The following CHODL variants were observed in gnomAD, a reference collection of about 807,000 sequenced individuals.
CHODL encodes transmembrane protein MT75.
In CHODL, 29 loss-of-function variants were observed where a neutral mutation model predicts 34.5. The ratio of observed to expected loss-of-function variants is 0.84; its 90% confidence interval spans 0.63 to 1.15. The LOEUF is 1.15. CHODL is among the 50% of genes most tolerant of loss of function. The probability of loss-of-function intolerance (pLI) is 0.00; values close to 1 mark genes in which losing one functional copy is unlikely to be tolerated. For synonymous variants in CHODL, 125 were observed against 116.1 expected, an observed-to-expected ratio of 1.08 and a Z score of -0.49; for missense variants, 332 against 332.5, an observed-to-expected ratio of 1.00 and a Z score of 0.01.
intron 1 of CHODL, among the ~76,000 whole-genome samples, chr21:17,984,793 T>A (rs868493172): frequency 4.6e-5 from 7 of 152,118 alleles, no homozygotes; most frequent in Non-Finnish European, 5.9e-5. Flanking sequence ...TGGCCTAAGA[T>A]TGGAGGTTTG....
intron 1 of CHODL, among the ~76,000 whole-genome samples, chr21:17,938,904 T>C (rs1207045387): frequency 6.6e-6 from 1 of 152,180 alleles, no homozygotes; most frequent in African/African-American, 2.4e-5. Flanking sequence ...TTCTATCCTG[T>C]CTAATCTTGT....
rs1198302633 is a variant in CHODL, at chr21:18,257,102, C to T, written c.522C>T (p.His174=). ...QWNDDRCNMK[H]NYICKYEPEI... ...ATGATGACAGGTGTAACATGAAGCACAATTATATTTGCAAGTATGAACCAG... is the reference window on the plus strand; with the variant it reads ...ATGATGACAGGTGTAACATGAAGCATAATTATATTTGCAAGTATGAACCAG... The change falls in exon 3 of 6, where the codon CAC becomes CAT. Residue 174 remains histidine (H), a synonymous_variant. Coordinates refer to ENST00000299295, the MANE Select transcript of CHODL (RefSeq NM_024944.3). 2.5e-6 allele frequency: 4 copies of T among 1,612,382 alleles called. No homozygotes were observed. The African/African-American group carries it at 4.0e-5, about 16-fold the overall frequency.
chr21:17,985,287 C>T (rs558167443), intron 1 of CHODL, among the ~76,000 whole-genome samples: 1 of 152,216 alleles, frequency 6.6e-6, no homozygotes, highest in East Asian at 1.9e-4. Context: ...ATCAGACTTT[C>T]TTCATTGTAT....
rs2064021370 is a variant in CHODL, at chr21:18,011,705, T to C, written c.-144-16167T>C. 1.3e-5 allele frequency among the ~76,000 whole-genome samples: 2 copies of C among 152,214 alleles called. 1 individual carries two copies. The highest frequency in any genetic ancestry group is 4.1e-4 in the South Asian group (2 of 4,832). On this transcript the variant is annotated intron_variant, in intron 1 of 6. Coordinates refer to the CHODL transcript ENST00000400127. ...GCTATGAATAAATCATCTACTTTCT[T>C]AGTGTGTGTCAGAAAGTTTTAAAGC...
intron 2 of CHODL, among the ~76,000 whole-genome samples, chr21:18,151,000 T>C (rs1365031725): frequency 1.3e-5 from 2 of 148,930 alleles, no homozygotes; most frequent in Non-Finnish European, 1.5e-5. Context: ...AGCAAATTGC[T>C]TGAACCTGGG....
At chr21:18,232,524 G>T (rs1395491040) in intron 2 of CHODL, among the ~76,000 whole-genome samples, 2 of 151,816 alleles carry the variant, frequency 1.3e-5, no homozygotes, top group African/African-American at 4.8e-5. Context: ...TTCATGAGAG[G>T]GGAGCTCCCT....
chr21:18,127,252 C>T (rs942019630), intron 2 of CHODL, among the ~76,000 whole-genome samples: 3 of 151,986 alleles, frequency 2.0e-5, no homozygotes, highest in African/African-American at 4.8e-5. Context: ...TCTGGATATA[C>T]TAAACGCCAC....
chr21:18,085,343 G>T (rs2064993251), intron 2 of CHODL, among the ~76,000 whole-genome samples: 1 of 151,856 alleles, frequency 6.6e-6, no homozygotes, highest in African/African-American at 2.4e-5. Context: ...TTTTAAAGTT[G>T]TTTTATAAAT....
At chr21:18,250,190 T>C (rs1374708119) in intron 1 of CHODL, among the ~76,000 whole-genome samples, 1 of 152,168 alleles carries the variant, frequency 6.6e-6, no homozygotes, top group African/African-American at 2.4e-5. Context: ...TAATCTCAAG[T>C]ACCCAAAGTT....
At chr21:18,070,497 G>A (rs899752038) in intron 2 of CHODL, among the ~76,000 whole-genome samples, 1 of 152,028 alleles carries the variant, frequency 6.6e-6, no homozygotes, top group African/African-American at 2.4e-5. Flanking sequence ...TACTAAGTTC[G>A]AGAGTAAGCA....
intron 2 of CHODL, among the ~76,000 whole-genome samples, chr21:18,053,674 GTT>G (rs908695771): frequency 4.6e-5 from 7 of 151,774 alleles, no homozygotes; most frequent in African/African-American, 1.7e-4. Context: ...ATTTTGAAAA[GTT>G]TTTTCTGCTT....
chr21:17,979,712 G>A (rs370508280), intron 1 of CHODL, among the ~76,000 whole-genome samples: 1 of 152,126 alleles, frequency 6.6e-6, no homozygotes. Flanking sequence ...TTGGAAAATC[G>A]TTTCTTTCCT....
At chr21:18,101,872 T>G (rs2065219240) in intron 2 of CHODL, among the ~76,000 whole-genome samples, 1 of 152,142 alleles carries the variant, frequency 6.6e-6, no homozygotes, top group Non-Finnish European at 1.5e-5. Flanking sequence ...TGCTTGGTCA[T>G]GGCCCAAATT....
chr21:17,942,475 T>C (rs2063373475), intron 1 of CHODL, among the ~76,000 whole-genome samples: 1 of 152,232 alleles, frequency 6.6e-6, no homozygotes, highest in Non-Finnish European at 1.5e-5. Context: ...TTGTGAGGCC[T>C]CCCTGGCCAC....
At position 18,165,086 on chromosome 21, in the gene CHODL, G is replaced by A. The variant is rs558070852; in HGVS notation, c.-44-91423G>A. Among the ~76,000 whole-genome samples the A allele has an allele frequency of 7.2e-5, 11 of 151,744 alleles. No individual in the cohort carries two copies. The South Asian group carries it at 2.3e-3, about 32-fold the overall frequency. On this transcript the variant is annotated intron_variant, in intron 2 of 6. Transcript: ENST00000400127. ...ATGGGGCTTGTCTTGTGCATTGTGC[G>A]ATGTTTAGCAGCATCTCTGACCTCT...
chr21:17,954,821 G>C (rs1292232059), intron 1 of CHODL, among the ~76,000 whole-genome samples: 6 of 127,892 alleles, frequency 4.7e-5, no homozygotes, highest in East Asian at 2.3e-4. Flanking sequence ...TTCTCTCTCT[G>C]TATATATTTA....
intron 2 of CHODL, among the ~76,000 whole-genome samples, chr21:18,164,184 G>C (rs983923110): frequency 6.6e-6 from 1 of 152,136 alleles, no homozygotes; most frequent in Non-Finnish European, 1.5e-5. Context: ...AGCAGCACAG[G>C]GCCAAACAAA....
At chr21:18,079,780 C>T (rs1017442135) in intron 2 of CHODL, among the ~76,000 whole-genome samples, 3 of 151,888 alleles carry the variant, frequency 2.0e-5, no homozygotes, top group African/African-American at 7.3e-5. Context: ...CAGTACTATT[C>T]ACAATAGCAA....
At chr21:18,252,849 C>T (rs957168726) in intron 1 of CHODL, among the ~76,000 whole-genome samples, 2 of 151,980 alleles carry the variant, frequency 1.3e-5, no homozygotes, top group South Asian at 2.1e-4. Context: ...CCCGACCGTG[C>T]AGCCATCACA....
Sources: gnomAD v4.1 joint callset for allele counts (sites outside exome capture counted in the v4.1 genomes callset) on GRCh38, gnomAD v4.1.1 for gene constraint, MANE v1.5 for transcripts, NCBI Gene and HGNC (gene_info 2026-07-23, HGNC 2026-07-21) for gene names.